Variants in SPRY4 observed in about 807,000 individuals in gnomAD.
The protein encoded by SPRY4 is sprouty RTK signaling antagonist 4.
Under a neutral mutation model 17.0 loss-of-function variants are expected in SPRY4, and 7 were observed. That is an observed-to-expected ratio of 0.41 (90% CI 0.23 to 0.77). SPRY4 has a LOEUF of 0.77. Ranked by LOEUF, SPRY4 falls within the 30% of genes least tolerant of loss-of-function variation. The pLI is 0.32. For synonymous variants in SPRY4, 183 were observed against 174.1 expected (o/e 1.05, Z -0.40); for missense variants, 435 against 419.9 (o/e 1.04, Z -0.31).
chr5:142,320,001 C>G lies in SPRY4; in HGVS notation c.-48+4843G>C, dbSNP rs572251196. ...ATGAATGGGTAGTTTAAGCACTGCCCCATTCAGTCTCAGCGGGTTCTTTCA... is the reference window on the plus strand; with the variant it reads ...ATGAATGGGTAGTTTAAGCACTGCCGCATTCAGTCTCAGCGGGTTCTTTCA... On this transcript the variant is annotated intron_variant, in intron 1 of 1. Transcript: ENST00000434127. Among the ~76,000 whole-genome samples, 5 of 152,276 alleles carry G rather than the reference C, an allele frequency of 3.3e-5. No individual in the cohort carries two copies. In the South Asian group the frequency reaches 8.3e-4, roughly 25 times the overall value.
rs888533533 is a variant in SPRY4, at chr5:142,313,401, TGAGTA to T, written c.*803_*807del. 1.3e-5 allele frequency: 2 copies of T among 152,574 alleles called. No individual in the cohort carries two copies. The highest frequency in any genetic ancestry group is 4.8e-5 in the African/African-American group (2 of 41,424). 9.5% of individuals were successfully genotyped at this position (152,574 alleles called of 1,614,324 possible). ...CCATATAAAGTTTCTGGAAGGGATC[TGAGTA>T]GAGAGAACCCAGGACACGTAGTGGG... is the stretch of plus-strand genomic sequence containing the variant. On this transcript the variant is annotated 3_prime_UTR_variant, in exon 2 of 2. Coordinates refer to ENST00000434127, the MANE Select transcript of SPRY4 (RefSeq NM_001127496.3).
chr5:142,314,477 G>T lies in SPRY4; in HGVS notation c.632C>A (p.Thr211Lys). Residue 211 changes from threonine (T) to lysine (K), a missense_variant, in exon 2 of 2, where the codon ACG becomes AAG. By Grantham distance (78) the Thr-to-Lys change is moderately conservative. Coordinates refer to ENST00000434127, the MANE Select transcript of SPRY4 (RefSeq NM_001127496.3). The surrounding 1 kb of genome is among the most constrained non-coding windows in gnomAD (Gnocchi z 4.8). ...CLVQGIFYHCTNEDDEGSCAD... is the reference protein window; with the variant it reads ...CLVQGIFYHCKNEDDEGSCAD... ...GCAGGAGCCCTCATCGTCCTCATTC[G>T]TGCAGTGGTAGAAGATGCCCTGCAC... is the stretch of plus-strand genomic sequence containing the variant. 1 of 1,614,178 alleles carries T rather than the reference G, an allele frequency of 6.2e-7. No individual in the cohort carries two copies. Among genetic ancestry groups the T allele is most frequent in the Non-Finnish European group, 8.5e-7 (1 of 1,180,020 alleles).
In SPRY4 at chr5:142,314,013, A is replaced by G; in HGVS notation, c.*196T>C. Reference sequence around the variant, plus strand: ...TCAGGACCCTGAAAAAAAGCCCCAAAGTGCTTCTTCATCACCTTGGGGAAT... The same window carrying G: ...TCAGGACCCTGAAAAAAAGCCCCAAGGTGCTTCTTCATCACCTTGGGGAAT... On this transcript the variant is annotated 3_prime_UTR_variant, in exon 2 of 2. Coordinates refer to ENST00000434127, the MANE Select transcript of SPRY4 (RefSeq NM_001127496.3). This position sits in a 1 kb window ranked among gnomAD's most constrained non-coding sequence, Gnocchi z 4.8. 1 of 616,530 alleles carries G rather than the reference A, an allele frequency of 1.6e-6. No homozygotes were observed. Among genetic ancestry groups the G allele is most frequent in the Non-Finnish European group, 2.8e-6 (1 of 360,662 alleles). 38.2% of individuals were successfully genotyped at this position (616,530 alleles called of 1,614,324 possible). A position where few individuals can be genotyped will look rare whatever the true frequency, so the allele number is the denominator to read the frequency against.
rs1007107211 is a variant in SPRY4 at position 142,313,982 on chromosome 5, A to G, written c.*227T>C. On this transcript the variant is annotated 3_prime_UTR_variant, in exon 2 of 2. Coordinates refer to ENST00000434127, the MANE Select transcript of SPRY4 (RefSeq NM_001127496.3). ...TGCCCCTGCATTGTCTGTTTGACAC[A>G]AAGTTTCAGGACCCTGAAAAAAAGC... The G allele has an allele frequency of 2.1e-5, 12 of 568,144 alleles. No individual in the cohort carries two copies. The South Asian group carries it at 2.6e-4, about 12-fold the overall frequency. 35.2% of individuals were successfully genotyped at this position (568,144 alleles called of 1,614,324 possible).
intron 1 of SPRY4, chr5:142,319,881 C>T (rs1759289112): frequency 2.5e-6 from 3 of 1,208,084 alleles, no homozygotes; most frequent in African/African-American, 3.1e-5. Context: ...CCTTGACTTA[C>T]CCTAGGGAGG....
rs1378154954 is a variant in SPRY4 at position 142,317,522 on chromosome 5, T to C, written c.-47-2367A>G. The C allele has an allele frequency of 1.9e-5, 19 of 985,252 alleles. 1 individual carries two copies. The Admixed American group carries it at 9.2e-4, about 48-fold the overall frequency. 61.0% of individuals were successfully genotyped at this position (985,252 alleles called of 1,614,324 possible). On this transcript the variant is annotated intron_variant, in intron 1 of 1. Coordinates refer to ENST00000434127, the MANE Select transcript of SPRY4 (RefSeq NM_001127496.3). ...TGTAGGCAGCAGTTTGAAGCTTCTA[T>C]TGCCCCATATAGTTGGGTTTTGTCT...
chr5:142,317,421 AC>A (rs1221220638), intron 1 of SPRY4: 1 of 985,064 alleles, frequency 1.0e-6, no homozygotes, highest in Admixed American at 6.2e-5. Context: ...CAGAACCCTC[AC>A]CCCCGGACAA....
chr5:142,320,547 AT>A (rs1759312836), intron 1 of SPRY4, among the ~76,000 whole-genome samples: 2 of 152,130 alleles, frequency 1.3e-5, no homozygotes, highest in South Asian at 4.1e-4. Context: ...GCTTTGGGCT[AT>A]TTAATCAGCT....
In SPRY4 at chr5:142,314,419, G is replaced by GT; in HGVS notation, c.689dup (p.Asn230LysfsTer91). 1 of 1,614,044 alleles carries GT rather than the reference G, an allele frequency of 6.2e-7. No individual in the cohort carries two copies. The highest frequency in any genetic ancestry group is 8.5e-7 in the Non-Finnish European group (1 of 1,179,954). ...CCATGAAGGACCAGCGGGCGCAGCA[G>GT]TTGGAGCGGGAGCAGGAGCAGGGGT... On this transcript the variant is annotated frameshift_variant, in exon 2 of 2. Transcript: ENST00000434127. LOFTEE classifies it high-confidence loss of function. This position sits in a 1 kb window ranked among gnomAD's most constrained non-coding sequence, Gnocchi z 4.8.
chr5:142,322,511 C>T (rs147827266), intron 1 of SPRY4, among the ~76,000 whole-genome samples: 11 of 147,730 alleles, frequency 7.4e-5, no homozygotes, highest in Non-Finnish European at 1.5e-4. Flanking sequence ...TAAATGAAAA[C>T]GACATCCGTA....
At chr5:142,316,791 C>T (rs144981940) in intron 1 of SPRY4, among the ~76,000 whole-genome samples, 84 of 152,308 alleles carry the variant, frequency 5.5e-4, no homozygotes, top group African/African-American at 1.9e-3. Context: ...GTATGTATAT[C>T]ACTTACACTG....
At position 142,313,230 on chromosome 5, in the gene SPRY4, T is replaced by C. The variant is rs1758991871; in HGVS notation, c.*979A>G. On this transcript the variant is annotated 3_prime_UTR_variant, in exon 2 of 2. Coordinates refer to ENST00000434127, the MANE Select transcript of SPRY4 (RefSeq NM_001127496.3). Reference sequence around the variant, plus strand: ...CTGGGGGTGGCCAAAAGGAAACAAGTTGTTTTATTATTATTTTTTAAAACA... The same window carrying C: ...CTGGGGGTGGCCAAAAGGAAACAAGCTGTTTTATTATTATTTTTTAAAACA... The C allele has an allele frequency of 6.6e-6, 1 of 152,568 alleles. No homozygotes were observed. Among genetic ancestry groups the C allele is most frequent in the Admixed American group, 6.5e-5 (1 of 15,276 alleles). The allele number at this position is 152,568 out of a possible 1,614,324, so 9.5% of individuals were successfully genotyped here.
chr5:142,319,936 G>C (rs1759290855), intron 1 of SPRY4: 2 of 739,818 alleles, frequency 2.7e-6, no homozygotes, highest in Non-Finnish European at 4.1e-6. Flanking sequence ...TACTTTGAAA[G>C]CTACAGGTCA....
Position 142,312,485 on chromosome 5 carries a change from T to C in SPRY4, c.*1724A>G, listed in dbSNP as rs1758957104. 6.6e-6 allele frequency: 1 copy of C among 152,120 alleles called. No homozygotes were observed. 9.4% of individuals were successfully genotyped at this position (152,120 alleles called of 1,614,324 possible). A position where few individuals can be genotyped will look rare whatever the true frequency, so the allele number is the denominator to read the frequency against. On this transcript the variant is annotated 3_prime_UTR_variant, in exon 2 of 2. Coordinates refer to ENST00000434127, the MANE Select transcript of SPRY4 (RefSeq NM_001127496.3). Reference sequence around the variant, plus strand: ...TAGTCTTCAAGAAGGAAAAAATAAGTCCTTGAGAAGCATTAGGTGCCTATC... The same window carrying C: ...TAGTCTTCAAGAAGGAAAAAATAAGCCCTTGAGAAGCATTAGGTGCCTATC...
chr5:142,315,022 G>A lies in SPRY4; in HGVS notation c.87C>T (p.Ser29=). ...GGATGGTGAGTGGGTGCTGGAGCCG[G>A]CTGTGGGACATCCGGCTGTCAAGAA... ...QPLLDSRMSH[S]RLQHPLTILP... Residue 29 remains serine (S), a synonymous_variant, in exon 2 of 2, where the codon AGC becomes AGT. Coordinates refer to ENST00000434127, the MANE Select transcript of SPRY4 (RefSeq NM_001127496.3). 2 of 1,613,806 alleles carry A rather than the reference G, an allele frequency of 1.2e-6. No homozygotes were observed. The highest frequency in any genetic ancestry group is 1.7e-6 in the Non-Finnish European group (2 of 1,179,988).
chr5:142,314,278 G>A lies in SPRY4; in HGVS notation c.831C>T (p.His277=), dbSNP rs1307912580. ...RLRRPGCRCK[H]TNSVICKAAS... Reference sequence around the variant, plus strand: ...CTGCTTTGCAGATGACGCTGTTCGTGTGCTTGCAGCGGCAACCAGGGCGGC... The same window carrying A: ...CTGCTTTGCAGATGACGCTGTTCGTATGCTTGCAGCGGCAACCAGGGCGGC... The change falls in exon 2 of 2, where the codon CAC becomes CAT. Residue 277 remains histidine (H), a synonymous_variant. Coordinates refer to ENST00000434127, the MANE Select transcript of SPRY4 (RefSeq NM_001127496.3). This position sits in a 1 kb window ranked among gnomAD's most constrained non-coding sequence, Gnocchi z 4.8. 1 of 1,613,680 alleles carries A rather than the reference G, an allele frequency of 6.2e-7. No individual in the cohort carries two copies. The highest frequency in any genetic ancestry group is 1.1e-5 in the South Asian group (1 of 91,066).
intron 1 of SPRY4, chr5:142,317,178 GT>G (rs1759181811): frequency 1.0e-6 from 1 of 985,364 alleles, no homozygotes. Flanking sequence ...ATGGAGAGGA[GT>G]TTTTCCAAGG....
At chr5:142,319,012 G>T (rs1271115285) in intron 1 of SPRY4, among the ~76,000 whole-genome samples, 2 of 152,132 alleles carry the variant, frequency 1.3e-5, no homozygotes, top group Non-Finnish European at 2.9e-5. Context: ...GGAGGAAATG[G>T]AAGCACAAAG....
rs1759106953 is a variant in SPRY4, at chr5:142,315,152, G to T, written c.-44C>A. The T allele has an allele frequency of 1.3e-6, 2 of 1,582,746 alleles. No individual in the cohort carries two copies. The highest frequency in any genetic ancestry group is 1.7e-4 in the Middle Eastern group (1 of 5,894). On this transcript the variant is annotated 5_prime_UTR_variant, in exon 2 of 2. Coordinates refer to ENST00000434127, the MANE Select transcript of SPRY4 (RefSeq NM_001127496.3). ...CTGTACGGAGAAACAGGCTTCTAGG[G>T]GCCCTGGGGGTGGGGTGGGGAAAAG...
Sources: allele counts gnomAD v4.1 joint callset (sites outside exome capture counted in the v4.1 genomes callset), GRCh38; gene constraint gnomAD v4.1.1; non-coding constraint Gnocchi (gnomAD v3.1); transcripts MANE v1.5; gene names NCBI Gene and HGNC (gene_info 2026-07-23, HGNC 2026-07-21).